Variants in ADAMTSL1 observed in about 807,000 individuals in gnomAD.
ADAMTSL1 encodes the protein ADAMTS-like protein 1.
Under a neutral mutation model 201.8 loss-of-function variants are expected in ADAMTSL1, and 126 were observed. That is an observed-to-expected ratio of 0.62 (90% CI 0.54 to 0.72). The LOEUF is 0.72. Ranked by LOEUF, ADAMTSL1 falls within the 30% of genes least tolerant of loss-of-function variation. The pLI, the probability that ADAMTSL1 is intolerant of heterozygous loss-of-function variation, is 0.00. For synonymous variants in ADAMTSL1, 1,121 were observed against 903.4 expected, an observed-to-expected ratio of 1.24 and a Z score of -4.32; for missense variants, 2,679 against 2,277.8, an observed-to-expected ratio of 1.18 and a Z score of -3.59.
intron 13 of ADAMTSL1, among the ~76,000 whole-genome samples, chr9:18,695,272 G>T (rs143896427): frequency 2.4e-4 from 37 of 152,314 alleles, no homozygotes; most frequent in African/African-American, 8.9e-4. Flanking sequence ...GAAGGTCTCT[G>T]AAATGCCTTC....
intron 2 of ADAMTSL1, among the ~76,000 whole-genome samples, chr9:18,330,032 C>A (rs79727268): frequency 6.6e-6 from 1 of 152,194 alleles, no homozygotes; most frequent in Non-Finnish European, 1.5e-5. Context: ...GGGGTTAAAA[C>A]AGGTCTGGCC....
chr9:18,782,852 G>A (rs1212513990), intron 19 of ADAMTSL1, among the ~76,000 whole-genome samples: 1 of 152,224 alleles, frequency 6.6e-6, no homozygotes, highest in African/African-American at 2.4e-5. Context: ...CAATGACTTT[G>A]TGTTGAAAGA....
At chr9:17,914,006 C>T (rs1779154302) in intron 1 of ADAMTSL1, among the ~76,000 whole-genome samples, 1 of 152,240 alleles carries the variant, frequency 6.6e-6, no homozygotes, top group South Asian at 2.1e-4. Flanking sequence ...GAATAACAGG[C>T]TCTGAAATTG....
At chr9:18,130,097 C>T (rs1249217746) in intron 1 of ADAMTSL1, among the ~76,000 whole-genome samples, 1 of 152,176 alleles carries the variant, frequency 6.6e-6, no homozygotes, top group Non-Finnish European at 1.5e-5. Context: ...TGAAGCCCCA[C>T]TTCCTGTGGA....
intron 2 of ADAMTSL1, among the ~76,000 whole-genome samples, chr9:18,326,736 T>G (rs1347188027): frequency 6.6e-6 from 1 of 152,234 alleles, no homozygotes; most frequent in Non-Finnish European, 1.5e-5. Context: ...TGAGGCTGTT[T>G]TGCAGATCAG....
At chr9:18,213,174 C>T (rs1327525840) in intron 2 of ADAMTSL1, among the ~76,000 whole-genome samples, 3 of 152,132 alleles carry the variant, frequency 2.0e-5, no homozygotes, top group Non-Finnish European at 4.4e-5. Context: ...TCCCTCTTTC[C>T]CCTCCTTGGA....
chr9:18,409,878 A>C (rs1563941673), intron 2 of ADAMTSL1, among the ~76,000 whole-genome samples: 2 of 150,584 alleles, frequency 1.3e-5, no homozygotes, highest in East Asian at 3.9e-4. Context: ...GTATACATAT[A>C]TATAGTGAAA....
chr9:18,648,072 T>C (rs1473120016), intron 7 of ADAMTSL1, among the ~76,000 whole-genome samples: 2 of 147,560 alleles, frequency 1.4e-5, no homozygotes, highest in African/African-American at 5.0e-5. Context: ...TGGGTGCTCC[T>C]GTATTGGGTG....
chr9:18,099,512 G>T (rs1419437029), intron 1 of ADAMTSL1, among the ~76,000 whole-genome samples: 1 of 147,592 alleles, frequency 6.8e-6, no homozygotes, highest in African/African-American at 2.5e-5. Context: ...TGTTTTTTCT[G>T]TTTCTTTGTA....
At chr9:18,675,753 G>A in intron 9 of ADAMTSL1, 104 bp from the exon 10 acceptor site, 1 of 986,198 alleles carries the variant, frequency 1.0e-6, no homozygotes, top group Non-Finnish European at 1.6e-6. Flanking sequence ...ATTTATTAAT[G>A]TTATTTTGCA....
intron 1 of ADAMTSL1, among the ~76,000 whole-genome samples, chr9:18,064,096 A>G (rs965033508): frequency 1.3e-5 from 2 of 152,196 alleles, no homozygotes; most frequent in Admixed American, 1.3e-4. Flanking sequence ...CTGTTGCTCC[A>G]TATGGAAACC....
chr9:18,574,179 C>G lies in ADAMTSL1; in HGVS notation c.387C>G (p.Thr129=). The G allele has an allele frequency of 6.2e-7, 1 of 1,614,112 alleles. No homozygotes were observed. The highest frequency in any genetic ancestry group is 8.5e-7 in the Non-Finnish European group (1 of 1,180,010). Residue 129 remains threonine (T), a synonymous_variant, in exon 4 of 29, where the codon ACC becomes ACG. Coordinates refer to ENST00000380548, the MANE Select transcript of ADAMTSL1 (RefSeq NM_001040272.6). ...TCAAGTGCCAAGCCAAAGGAACAAC[C>G]CTGGTTGTTGAACTAGCACCTAAGG... The part of the protein sequence containing the change: ...CSLKCQAKGT[T]LVVELAPKVL...
chr9:18,006,204 C>A (rs10810881), intron 1 of ADAMTSL1, among the ~76,000 whole-genome samples: 57,110 of 151,798 alleles, frequency 0.38, 11,225 homozygotes, highest in Non-Finnish European at 0.43. Flanking sequence ...TGTGCTAGAG[C>A]AGTCCATTGT....
At chr9:18,327,939 TTTTGTTTG>T (rs898431962) in intron 2 of ADAMTSL1, among the ~76,000 whole-genome samples, 1 of 152,176 alleles carries the variant, frequency 6.6e-6, no homozygotes, top group Non-Finnish European at 1.5e-5. Flanking sequence ...TTTTCCTGTT[TTTTGTTTG>T]TTTGTTTGTT....
intron 22 of ADAMTSL1, among the ~76,000 whole-genome samples, chr9:18,829,353 T>C (rs564579187): frequency 3.3e-5 from 5 of 152,286 alleles, no homozygotes; most frequent in South Asian, 2.1e-4. Context: ...TTTTGCTTCA[T>C]AGAAAAGGGT....
intron 1 of ADAMTSL1, among the ~76,000 whole-genome samples, chr9:18,035,233 G>A (rs961164811): frequency 3.3e-5 from 5 of 152,152 alleles, no homozygotes; most frequent in South Asian, 2.1e-4. Flanking sequence ...CATAGACAGC[G>A]GCTTTTTATG....
At chr9:18,676,768 T>A (rs1830155936) in intron 10 of ADAMTSL1, among the ~76,000 whole-genome samples, 2 of 152,124 alleles carry the variant, frequency 1.3e-5, no homozygotes, top group South Asian at 4.2e-4. Flanking sequence ...ATGGTTGGAG[T>A]AATCCACAGC....
At chr9:18,854,229 C>T (rs1826701343) in intron 23 of ADAMTSL1, among the ~76,000 whole-genome samples, 3 of 152,236 alleles carry the variant, frequency 2.0e-5, no homozygotes, top group East Asian at 1.9e-4. Flanking sequence ...CCCTAACACA[C>T]ATATGCACGC....
intron 13 of ADAMTSL1, among the ~76,000 whole-genome samples, chr9:18,685,434 T>G (rs1379130083): frequency 6.6e-6 from 1 of 152,232 alleles, no homozygotes; most frequent in Admixed American, 6.5e-5. Flanking sequence ...GATAAGTTTA[T>G]GTATTGATTT....
Sources: gnomAD v4.1 joint callset for allele counts (sites outside exome capture counted in the v4.1 genomes callset) on GRCh38, gnomAD v4.1.1 for gene constraint, MANE v1.5 for transcripts, NCBI Gene and HGNC (gene_info 2026-07-23, HGNC 2026-07-21) for gene names.